Variants in WHRN observed in about 807,000 individuals in gnomAD.
The protein encoded by WHRN is whirlin.
Under a neutral mutation model 68.3 loss-of-function variants are expected in WHRN, and 41 were observed. That is an observed-to-expected ratio of 0.60 (90% CI 0.47 to 0.78). The LOEUF is 0.78. Among genes scored for constraint, WHRN ranks in the 30% least tolerant of loss-of-function variants. The probability of loss-of-function intolerance (pLI) is 0.00; values close to 1 mark genes in which losing one functional copy is unlikely to be tolerated. For synonymous variants in WHRN, 560 were observed against 561.3 expected (o/e 1.00, Z 0.03); for missense variants, 1,243 against 1,244.7 (o/e 1.00, Z 0.02).
chr9:114,499,819 TCCAA>T (rs1474689968), intron 1 of WHRN, among the ~76,000 whole-genome samples: 1 of 152,156 alleles, frequency 6.6e-6, no homozygotes, highest in Non-Finnish European at 1.5e-5. Flanking sequence ...TCTTTGCAGC[TCCAA>T]CCAACTGATG....
chr9:114,462,870 C>A (rs565193903), intron 3 of WHRN, among the ~76,000 whole-genome samples: 1 of 152,278 alleles, frequency 6.6e-6, no homozygotes, highest in East Asian at 1.9e-4. Context: ...GACATAGTAA[C>A]TGCTCAATAA....
intron 1 of WHRN, among the ~76,000 whole-genome samples, chr9:114,493,534 G>C (rs1187462651): frequency 6.6e-6 from 1 of 152,132 alleles, no homozygotes; most frequent in Non-Finnish European, 1.5e-5. Flanking sequence ...GCCCAGGAGA[G>C]AGACCCTCCT....
At chr9:114,480,364 G>T (rs537476008) in intron 1 of WHRN, among the ~76,000 whole-genome samples, 1 of 152,264 alleles carries the variant, frequency 6.6e-6, no homozygotes, top group South Asian at 2.1e-4. Flanking sequence ...AGATCCATAC[G>T]CCGAAGCCCT....
intron 3 of WHRN, among the ~76,000 whole-genome samples, chr9:114,452,159 T>C (rs1373419787): frequency 6.6e-6 from 1 of 152,266 alleles, no homozygotes; most frequent in East Asian, 1.9e-4. Context: ...ATCATTACTG[T>C]TTCCTGTTAT....
intron 3 of WHRN, among the ~76,000 whole-genome samples, chr9:114,465,149 C>T (rs2132938822): frequency 6.6e-6 from 1 of 152,338 alleles, no homozygotes; most frequent in Non-Finnish European, 1.5e-5. Flanking sequence ...GCTCTTCCCA[C>T]AATGCCTGTT....
chr9:114,491,711 A>G, intron 1 of WHRN: 1 of 258,512 alleles, frequency 3.9e-6, no homozygotes, highest in Non-Finnish European at 8.2e-6. Flanking sequence ...AAGGAGAAAA[A>G]GGCAAACGAG....
At chr9:114,491,890 T>A (rs1396165967) in intron 1 of WHRN, 1 of 262,864 alleles carries the variant, frequency 3.8e-6, no homozygotes, top group Non-Finnish European at 7.5e-6. Flanking sequence ...CCTTTTGTGC[T>A]TCCTTCCCCC....
chr9:114,405,258 A>T (rs1210450690), intron 9 of WHRN, among the ~76,000 whole-genome samples: 2 of 151,696 alleles, frequency 1.3e-5, no homozygotes, highest in Non-Finnish European at 2.9e-5. Flanking sequence ...CTTTAGTAGA[A>T]ATGGGGCTTT....
Position 114,466,327 on chromosome 9 carries a change from G to C in WHRN, c.903C>G (p.Gly301=). ...CCACGCCAGTGATGTAAATGCCAAG[G>C]CCGTACTCAGCTCCCCCACGGATCG... ...GLTIRGGAEY[G]LGIYITGVDP... Residue 301 remains glycine (G), a synonymous_variant, in exon 3 of 12, where the codon GGC becomes GGG. Coordinates refer to ENST00000362057, the MANE Select transcript of WHRN (RefSeq NM_015404.4). The C allele has an allele frequency of 3.1e-6, 5 of 1,614,134 alleles. No individual in the cohort carries two copies. Among genetic ancestry groups the C allele is most frequent in the Non-Finnish European group, 4.2e-6 (5 of 1,180,040 alleles).
chr9:114,501,459 C>T (rs548203108), intron 1 of WHRN, among the ~76,000 whole-genome samples: 1 of 152,034 alleles, frequency 6.6e-6, no homozygotes, highest in South Asian at 2.1e-4. Context: ...AAAAACTTTG[C>T]TCGACCCACT....
intron 2 of WHRN, among the ~76,000 whole-genome samples, chr9:114,467,163 G>A (rs1589203645): frequency 6.6e-6 from 1 of 151,608 alleles, no homozygotes; most frequent in South Asian, 2.1e-4. Context: ...ACCTGGGGGG[G>A]TCTATTTCTC....
chr9:114,445,420 G>C (rs1838734872), intron 3 of WHRN, among the ~76,000 whole-genome samples: 1 of 152,152 alleles, frequency 6.6e-6, no homozygotes, highest in Non-Finnish European at 1.5e-5. Context: ...AGGCCAAACT[G>C]TTCATAGGAG....
At chr9:114,412,098 G>C (rs1264706111) in intron 7 of WHRN, among the ~76,000 whole-genome samples, 2 of 152,200 alleles carry the variant, frequency 1.3e-5, no homozygotes, top group Non-Finnish European at 2.9e-5. Flanking sequence ...AGGGAGGCCT[G>C]AAGTGGAGCA....
chr9:114,461,797 A>G (rs775328644), intron 3 of WHRN, among the ~76,000 whole-genome samples: 2 of 152,172 alleles, frequency 1.3e-5, no homozygotes, highest in Non-Finnish European at 2.9e-5. Flanking sequence ...CATACACTCA[A>G]TTGGTTCCAT....
At chr9:114,501,563 C>CAT (rs1243545631) in intron 1 of WHRN, among the ~76,000 whole-genome samples, 3 of 150,902 alleles carry the variant, frequency 2.0e-5, no homozygotes, top group African/African-American at 7.4e-5. Context: ...CACACACACA[C>CAT]ACACACACAC....
chr9:114,466,779 G>A (rs1268762428), intron 2 of WHRN, among the ~76,000 whole-genome samples: 4 of 152,098 alleles, frequency 2.6e-5, no homozygotes, highest in Non-Finnish European at 4.4e-5. Context: ...TTCGCGCCCC[G>A]GGGTCTCAAT....
rs115929314 is a variant in WHRN at position 114,497,871 on chromosome 9, C to T, written c.618+6313G>A. Among the ~76,000 whole-genome samples the T allele has an allele frequency of 6.8e-3, 1,030 of 152,272 alleles. 11 individuals are homozygous for T. Among genetic ancestry groups the T allele is most frequent in the African/African-American group, 0.024 (986 of 41,540 alleles). ...AGTAGTCATTTGCTCCCCACAGCCA[C>T]CTGGGAAGGAGGCAGGTGGGAGGTA... On this transcript the variant is annotated intron_variant, in intron 1 of 11. Coordinates refer to ENST00000362057, the MANE Select transcript of WHRN (RefSeq NM_015404.4).
chr9:114,452,559 C>G lies in WHRN; in HGVS notation c.963+13708G>C, dbSNP rs538612296. On this transcript the variant is annotated intron_variant, in intron 3 of 11. Transcript: ENST00000362057. ...AGCACTATCTCCTTTGCATCCTGGC[C>G]TGAACACAGCACAGAGCAGGCATTT... 3.9e-5 allele frequency among the ~76,000 whole-genome samples: 6 copies of G among 152,340 alleles called. No homozygotes were observed. The South Asian group carries it at 1.2e-3, about 32-fold the overall frequency.
intron 3 of WHRN, among the ~76,000 whole-genome samples, chr9:114,436,421 G>A (rs531072891): frequency 4.6e-5 from 7 of 152,184 alleles, no homozygotes; most frequent in African/African-American, 1.2e-4. Context: ...ACACTAATAC[G>A]AAATGTTAAT....
Sources: allele counts gnomAD v4.1 joint callset (sites outside exome capture counted in the v4.1 genomes callset), GRCh38; gene constraint gnomAD v4.1.1; transcripts MANE v1.5; gene names NCBI Gene and HGNC (gene_info 2026-07-23, HGNC 2026-07-21).